The following GPC5 variants were observed in gnomAD, a reference collection of about 807,000 sequenced individuals.
The protein encoded by GPC5 is glypican 5.
GPC5 carries 47 observed loss-of-function variants against 53.9 expected under a neutral mutation model. The ratio of observed to expected loss-of-function variants is 0.87; its 90% CI spans 0.69 to 1.11. GPC5 has a LOEUF of 1.11. GPC5 is among the 50% of genes most tolerant of loss of function. GPC5 has a pLI of 0.00. For missense variants in GPC5, 748 were observed against 713.1 expected, an observed-to-expected ratio of 1.05 and a Z score of -0.56; for synonymous variants, 286 against 263.3, an observed-to-expected ratio of 1.09 and a Z score of -0.84.
chr13:91,931,131 T>C (rs1373023990), intron 6 of GPC5, among the ~76,000 whole-genome samples: 2 of 152,058 alleles, frequency 1.3e-5, no homozygotes, highest in African/African-American at 4.8e-5. Context: ...TATCTTATTG[T>C]TTTCCATCAT....
At chr13:92,820,581 T>A (rs1210852197) in intron 7 of GPC5, among the ~76,000 whole-genome samples, 3 of 152,140 alleles carry the variant, frequency 2.0e-5, no homozygotes, top group African/African-American at 4.8e-5. Flanking sequence ...ACGCCTTCGT[T>A]ATCTGACCTT....
chr13:92,669,280 A>T (rs896650446), intron 7 of GPC5, among the ~76,000 whole-genome samples: 3 of 151,916 alleles, frequency 2.0e-5, no homozygotes, highest in African/African-American at 7.2e-5. Flanking sequence ...TTCCTACTCC[A>T]TTTTTTTATT....
In GPC5 at chr13:91,432,228, T is replaced by TGTGGGG. The variant is rs1555306365; in HGVS notation, c.164-16530_164-16529insGGGGTG. Among the ~76,000 whole-genome samples, 1,442 of 150,742 alleles carry TGTGGGG rather than the reference T, an allele frequency of 9.6e-3. 21 individuals are homozygous for TGTGGGG. Among genetic ancestry groups the TGTGGGG allele is most frequent in the African/African-American group, 0.034 (1,367 of 40,504 alleles). The stretch of plus-strand genomic sequence containing the variant: ...CTGTGTGTGTGTGTGTGTGTGTGTG[T>TGTGGGG]GTGTGTGTGTGTGTGTGTGTGTATG... On this transcript the variant is annotated intron_variant, in intron 1 of 7. Coordinates refer to ENST00000377067, the MANE Select transcript of GPC5 (RefSeq NM_004466.6).
At chr13:92,591,206 A>C (rs373040589) in intron 7 of GPC5, among the ~76,000 whole-genome samples, 5 of 152,128 alleles carry the variant, frequency 3.3e-5, no homozygotes, top group African/African-American at 9.7e-5. Context: ...TCAGTCTCTG[A>C]TTTGGAAAAA....
intron 7 of GPC5, among the ~76,000 whole-genome samples, chr13:92,698,051 A>G (rs1488351043): frequency 6.6e-6 from 1 of 152,170 alleles, no homozygotes; most frequent in African/African-American, 2.4e-5. Context: ...GACGAAGCTG[A>G]CTTGATCATG....
chr13:92,616,040 C>A (rs1037456996), intron 7 of GPC5, among the ~76,000 whole-genome samples: 6 of 152,074 alleles, frequency 3.9e-5, no homozygotes, highest in Non-Finnish European at 7.4e-5. Context: ...GGTGACAGAG[C>A]GAGACTCCGT....
At chr13:92,074,179 G>A (rs1299102132) in intron 6 of GPC5, among the ~76,000 whole-genome samples, 1 of 152,172 alleles carries the variant, frequency 6.6e-6, no homozygotes, top group East Asian at 1.9e-4. Context: ...CGCTGTAGAT[G>A]GAGGAGAGAG....
Position 91,956,179 on chromosome 13 carries a change from A to G in GPC5, c.1401+48122A>G, listed in dbSNP as rs533612503. ...GTTCAGTTTTCTCCCCCCCACCCCAATACTCAAGCATGCCACCTGGTGGCA... is the reference window on the plus strand; with the variant it reads ...GTTCAGTTTTCTCCCCCCCACCCCAGTACTCAAGCATGCCACCTGGTGGCA... On this transcript the variant is annotated intron_variant, in intron 6 of 7. Transcript: ENST00000377067. Among the ~76,000 whole-genome samples, 11 of 151,174 alleles carry G rather than the reference A, an allele frequency of 7.3e-5. No individual in the cohort carries two copies. In the East Asian group the frequency reaches 2.2e-3, roughly 30 times the overall value.
intron 6 of GPC5, among the ~76,000 whole-genome samples, chr13:91,951,251 T>G (rs1274008832): frequency 6.6e-6 from 1 of 152,208 alleles, no homozygotes; most frequent in Non-Finnish European, 1.5e-5. Flanking sequence ...TGTATTGATC[T>G]CTGTTTTCTA....
At chr13:92,385,740 C>T (rs536880642) in intron 7 of GPC5, among the ~76,000 whole-genome samples, 39 of 136,528 alleles carry the variant, frequency 2.9e-4, no homozygotes, top group East Asian at 1.3e-3. Context: ...TGTATATATA[C>T]GTATATATAC....
chr13:91,906,961 C>T (rs1323783175), intron 5 of GPC5, among the ~76,000 whole-genome samples: 1 of 150,362 alleles, frequency 6.7e-6, no homozygotes, highest in African/African-American at 2.4e-5. Flanking sequence ...TATGATATTG[C>T]CTTGTACAGT....
At chr13:92,152,385 T>C (rs1203349615) in intron 7 of GPC5, among the ~76,000 whole-genome samples, 3 of 152,218 alleles carry the variant, frequency 2.0e-5, no homozygotes, top group Non-Finnish European at 4.4e-5. Context: ...AGTGATTTTT[T>C]TGTGAAGATT....
chr13:92,660,734 T>C (rs1287504746), intron 7 of GPC5, among the ~76,000 whole-genome samples: 1 of 152,130 alleles, frequency 6.6e-6, no homozygotes, highest in Non-Finnish European at 1.5e-5. Flanking sequence ...AAAATCTGCC[T>C]AACAGATCTC....
chr13:92,672,174 C>T lies in GPC5; in HGVS notation c.1562-194108C>T, dbSNP rs1006635041. 2.6e-5 allele frequency among the ~76,000 whole-genome samples: 4 copies of T among 152,116 alleles called. No homozygotes were observed. The South Asian group carries it at 8.3e-4, about 31-fold the overall frequency. ...TTGACAACAATGTAGCTCAATTTCT[C>T]CCAACCTCATTTTGTTAATCTCTAC... On this transcript the variant is annotated intron_variant, in intron 7 of 7. Coordinates refer to ENST00000377067, the MANE Select transcript of GPC5 (RefSeq NM_004466.6).
intron 7 of GPC5, among the ~76,000 whole-genome samples, chr13:92,760,400 G>A (rs930119471): frequency 1.3e-5 from 2 of 151,920 alleles, no homozygotes; most frequent in Non-Finnish European, 2.9e-5. Context: ...ATTCAACCTT[G>A]TTAGATTGTA....
At chr13:92,236,293 C>A (rs990591243) in intron 7 of GPC5, among the ~76,000 whole-genome samples, 19 of 152,082 alleles carry the variant, frequency 1.2e-4, no homozygotes, top group African/African-American at 4.6e-4. Flanking sequence ...CTTGTACCTA[C>A]AAATTTAGTC....
At chr13:92,149,234 T>C (rs567786243) in intron 7 of GPC5, among the ~76,000 whole-genome samples, 60 of 152,178 alleles carry the variant, frequency 3.9e-4, no homozygotes, top group South Asian at 1.0e-3. Flanking sequence ...ATCATGTCTA[T>C]TGACAACTAG....
rs564391343 is a variant in GPC5, at chr13:91,819,220, C to T, written c.1280+62800C>T. Among the ~76,000 whole-genome samples, 7 of 119,768 alleles carry T rather than the reference C, an allele frequency of 5.8e-5. No individual in the cohort carries two copies. In the South Asian group the frequency reaches 2.0e-3, roughly 35 times the overall value. 78.6% of individuals were successfully genotyped at this position (119,768 alleles called of 152,430 possible). On this transcript the variant is annotated intron_variant, in intron 5 of 7. Coordinates refer to ENST00000377067, the MANE Select transcript of GPC5 (RefSeq NM_004466.6). Reference sequence around the variant, plus strand: ...TCTCGCCTGGGCTGGAATGCAGTGGCGTGATATCAGCTCACTGCAACCTCC... The same window carrying T: ...TCTCGCCTGGGCTGGAATGCAGTGGTGTGATATCAGCTCACTGCAACCTCC...
intron 7 of GPC5, among the ~76,000 whole-genome samples, chr13:92,575,178 G>T (rs1171651048): frequency 6.6e-6 from 1 of 152,156 alleles, no homozygotes; most frequent in Non-Finnish European, 1.5e-5. Context: ...CCACCAAAAA[G>T]ATATGTTCAA....
Sources: allele counts gnomAD v4.1 joint callset (sites outside exome capture counted in the v4.1 genomes callset), GRCh38; gene constraint gnomAD v4.1.1; transcripts MANE v1.5; gene names NCBI Gene and HGNC (gene_info 2026-07-23, HGNC 2026-07-21).